MYO16: variants seen among roughly 807,000 people sequenced by gnomAD.
MYO16 encodes myosin XVI, also known as unconventional myosin-XVI.
Under a neutral mutation model 205.3 loss-of-function variants are expected in MYO16, and 94 were observed. The ratio of observed to expected loss-of-function variants is 0.46; its 90% CI spans 0.39 to 0.54. The LOEUF is 0.54. Ranked by LOEUF, MYO16 falls within the 20% of genes least tolerant of loss-of-function variation. The pLI, the probability that MYO16 is intolerant of heterozygous loss-of-function variation, is 0.00. For missense variants in MYO16, 2,315 were observed against 2,387.5 expected (o/e 0.97, Z 0.63); for synonymous variants, 988 against 954.0 (o/e 1.04, Z -0.66).
At chr13:108,746,055 T>A (rs1466493208) in intron 4 of MYO16, among the ~76,000 whole-genome samples, 1 of 148,788 alleles carries the variant, frequency 6.7e-6, no homozygotes, top group Non-Finnish European at 1.5e-5. Context: ...TAGCCAGGAG[T>A]GGTGGCAGGC....
At chr13:108,810,819 T>A (rs1887268871) in intron 7 of MYO16, among the ~76,000 whole-genome samples, 1 of 152,186 alleles carries the variant, frequency 6.6e-6, no homozygotes, top group Non-Finnish European at 1.5e-5. Flanking sequence ...AATACCTTTA[T>A]GGAGAAGGAG....
At chr13:109,117,806 T>C (rs1232958738) in intron 28 of MYO16, among the ~76,000 whole-genome samples, 1 of 152,154 alleles carries the variant, frequency 6.6e-6, no homozygotes, top group Non-Finnish European at 1.5e-5. Flanking sequence ...AGCTCAATAA[T>C]CCATTCTTAG....
At chr13:108,738,027 CTTCT>C in intron 4 of MYO16, among the ~76,000 whole-genome samples, 1 of 151,990 alleles carries the variant, frequency 6.6e-6, no homozygotes, top group African/African-American at 2.4e-5. Flanking sequence ...CTTCTCTCTT[CTTCT>C]TTATTAGTCT....
intron 31 of MYO16, among the ~76,000 whole-genome samples, chr13:109,131,152 G>A (rs1017037632): frequency 6.6e-5 from 10 of 152,180 alleles, no homozygotes; most frequent in African/African-American, 2.4e-4. Flanking sequence ...TACGGCTGAA[G>A]TTGGTTTTGT....
intron 7 of MYO16, among the ~76,000 whole-genome samples, chr13:108,809,839 C>A (rs1887231560): frequency 6.6e-6 from 1 of 152,226 alleles, no homozygotes; most frequent in Admixed American, 6.5e-5. Context: ...CCAGCCCCAC[C>A]ACTCACTGAC....
chr13:108,639,130 G>C (rs1281821830), intron 1 of MYO16, among the ~76,000 whole-genome samples: 2 of 152,172 alleles, frequency 1.3e-5, no homozygotes. Context: ...GATCAGCTTT[G>C]CATTTTAGAT....
At chr13:108,941,676 C>CAA (rs576929781) in intron 16 of MYO16, among the ~76,000 whole-genome samples, 643 of 44,826 alleles carry the variant, frequency 0.014, 16 homozygotes, top group African/African-American at 0.036. Context: ...GACTCAGTCT[C>CAA]AAAAAAAAAA....
intron 1 of MYO16, among the ~76,000 whole-genome samples, chr13:108,638,988 G>A (rs78903055): frequency 0.068 from 10,357 of 152,174 alleles, 562 homozygotes; most frequent in African/African-American, 0.15. Flanking sequence ...TTGTGACTGC[G>A]TAGTGCGTTC....
At chr13:109,020,060 T>C (rs2139513744) in intron 23 of MYO16, 149 bp downstream of exon 23, 1 of 767,210 alleles carries the variant, frequency 1.3e-6, no homozygotes, top group Non-Finnish European at 2.1e-6. Context: ...TTCTAAGTGA[T>C]TTTCTTTTAG....
intron 9 of MYO16, among the ~76,000 whole-genome samples, chr13:108,837,672 C>A (rs1594332804): frequency 6.6e-6 from 1 of 152,280 alleles, no homozygotes; most frequent in East Asian, 1.9e-4. Flanking sequence ...GAGGTAAAAT[C>A]TGATTTAAAT....
At chr13:108,792,194 C>G (rs1886636109) in intron 5 of MYO16, among the ~76,000 whole-genome samples, 1 of 152,216 alleles carries the variant, frequency 6.6e-6, no homozygotes, top group South Asian at 2.1e-4. Flanking sequence ...CCTGAGCCTT[C>G]TGTGCACCAC....
intron 4 of MYO16, among the ~76,000 whole-genome samples, chr13:108,759,484 A>G (rs936692088): frequency 6.6e-6 from 1 of 152,210 alleles, no homozygotes; most frequent in African/African-American, 2.4e-5. Flanking sequence ...ATAGGAAATG[A>G]GAGAGTATTA....
chr13:108,581,618 G>T, the MYO16 span, among the ~76,000 whole-genome samples: 1 of 151,938 alleles, frequency 6.6e-6, no homozygotes, highest in South Asian at 2.1e-4. Flanking sequence ...AGGTGCAATG[G>T]TTCATGCCTG....
intron 12 of MYO16, among the ~76,000 whole-genome samples, chr13:108,878,868 C>T (rs1879458787): frequency 6.6e-6 from 1 of 152,222 alleles, no homozygotes; most frequent in Admixed American, 6.5e-5. Context: ...ATCCTGCGAG[C>T]AGGATTAGGG....
intron 16 of MYO16, among the ~76,000 whole-genome samples, chr13:108,942,171 A>C (rs1882758860): frequency 6.6e-6 from 1 of 152,196 alleles, no homozygotes; most frequent in African/African-American, 2.4e-5. Context: ...TCTGTGATTA[A>C]AGACTTGCTT....
At chr13:108,679,308 C>T (rs2139464187) in intron 2 of MYO16, among the ~76,000 whole-genome samples, 1 of 152,220 alleles carries the variant, frequency 6.6e-6, no homozygotes, top group Admixed American at 6.5e-5. Flanking sequence ...TCACCCGCTT[C>T]CTTCTTTTTC....
chr13:108,859,202 A>C (rs1223814547), intron 11 of MYO16, among the ~76,000 whole-genome samples: 1 of 152,066 alleles, frequency 6.6e-6, no homozygotes, highest in Non-Finnish European at 1.5e-5. Context: ...CTCTCTTTCT[A>C]TCATGCCCAT....
intron 11 of MYO16, among the ~76,000 whole-genome samples, chr13:108,859,324 A>G (rs1594349881): frequency 6.6e-6 from 1 of 152,260 alleles, no homozygotes; most frequent in East Asian, 1.9e-4. Flanking sequence ...GACTTCCTCA[A>G]CCAAAACCCT....
the MYO16 span, among the ~76,000 whole-genome samples, chr13:108,517,414 G>A: frequency 6.6e-6 from 1 of 152,134 alleles, no homozygotes; most frequent in African/African-American, 2.4e-5. Context: ...AATAACAAGA[G>A]GAAATTTATT....
Sources: gnomAD v4.1 joint callset for allele counts (sites outside exome capture counted in the v4.1 genomes callset) on GRCh38, gnomAD v4.1.1 for gene constraint, MANE v1.5 for transcripts, NCBI Gene and HGNC (gene_info 2026-07-23, HGNC 2026-07-21) for gene names.